The following ERMP1 variants were observed in gnomAD, a reference collection of about 807,000 sequenced individuals.
ERMP1 encodes the protein Felix-ina.
In ERMP1, 86 loss-of-function variants were observed where a neutral mutation model predicts 92.0. The ratio of observed to expected loss-of-function variants is 0.93; its 90% CI spans 0.79 to 1.12. The LOEUF (loss-of-function observed/expected upper bound fraction) is 1.12. ERMP1 is among the 50% of genes most tolerant of loss of function. ERMP1 has a pLI of 0.00. For missense variants in ERMP1, 1,342 were observed against 1,116.3 expected (o/e 1.20, Z -2.88); for synonymous variants, 530 against 412.8 (o/e 1.28, Z -3.44).
At chr9:5,813,087 A>G in intron 4 of ERMP1, 52 bp from the exon 5 acceptor site, 1 of 1,594,838 alleles carries the variant, frequency 6.3e-7, no homozygotes, top group Non-Finnish European at 8.6e-7. Flanking sequence ...ATTTTTTTTA[A>G]CATACTAATG....
chr9:5,862,035 G>GTATT (rs912831735), intron 5 of ERMP1, among the ~76,000 whole-genome samples: 1 of 151,808 alleles, frequency 6.6e-6, no homozygotes, highest in African/African-American at 2.4e-5. Flanking sequence ...ATGTATGTAT[G>GTATT]TATTTATTTA....
intron 6 of ERMP1, among the ~76,000 whole-genome samples, chr9:5,841,484 G>A (rs1465138675): frequency 6.6e-6 from 1 of 152,182 alleles, no homozygotes; most frequent in Admixed American, 6.5e-5. Context: ...AAAGGTATGG[G>A]GTTTCCTTTC....
At chr9:5,800,315 A>G (rs1828619763) in intron 11 of ERMP1, among the ~76,000 whole-genome samples, 1 of 152,222 alleles carries the variant, frequency 6.6e-6, no homozygotes, top group Non-Finnish European at 1.5e-5. Context: ...GATGACTAGA[A>G]TTGAGGCTTA....
chr9:5,799,449 T>A (rs1019954941), intron 11 of ERMP1, among the ~76,000 whole-genome samples: 2 of 152,042 alleles, frequency 1.3e-5, no homozygotes, highest in African/African-American at 4.8e-5. Flanking sequence ...CAGAATTCTA[T>A]GAAAAGGCAC....
chr9:5,799,094 A>T, intron 11 of ERMP1, 86 bp from the exon 12 acceptor site: 3 of 874,916 alleles, frequency 3.4e-6, no homozygotes, highest in Non-Finnish European at 5.5e-6. Context: ...GTATGACAAT[A>T]CCAAGAAATG....
At chr9:5,823,337 A>G (rs1829612244) in intron 4 of ERMP1, among the ~76,000 whole-genome samples, 1 of 152,200 alleles carries the variant, frequency 6.6e-6, no homozygotes, top group Non-Finnish European at 1.5e-5. Context: ...TTTTTTTAAC[A>G]TTCCACTAAA....
intron 4 of ERMP1, among the ~76,000 whole-genome samples, chr9:5,816,678 C>T (rs534426323): frequency 6.6e-6 from 1 of 152,248 alleles, no homozygotes; most frequent in South Asian, 2.1e-4. Flanking sequence ...TTCACAGCAG[C>T]ACCATTCATA....
chr9:5,841,249 T>C (rs1203073749), intron 6 of ERMP1, among the ~76,000 whole-genome samples: 1 of 152,200 alleles, frequency 6.6e-6, no homozygotes, highest in Non-Finnish European at 1.5e-5. Flanking sequence ...TAAAAACTTG[T>C]TCACAATATG....
chr9:5,841,123 TA>T (rs1449132998), intron 6 of ERMP1, among the ~76,000 whole-genome samples: 1 of 152,190 alleles, frequency 6.6e-6, no homozygotes, highest in Admixed American at 6.5e-5. Flanking sequence ...AAAGGCGGTG[TA>T]AAAAAACCTG....
intron 1 of ERMP1, among the ~76,000 whole-genome samples, chr9:5,832,079 A>G (rs2129699662): frequency 6.6e-6 from 1 of 150,896 alleles, no homozygotes; most frequent in African/African-American, 2.5e-5. Context: ...GCATTCTTAA[A>G]GGTCTTAAAA....
At chr9:5,787,850 A>G (rs1028309589) in intron 13 of ERMP1, among the ~76,000 whole-genome samples, 1 of 152,216 alleles carries the variant, frequency 6.6e-6, no homozygotes, top group Non-Finnish European at 1.5e-5. Context: ...CTGCTGCATG[A>G]CATCAGGAAT....
chr9:5,837,603 T>C (rs1390818033), upstream of ERMP1, among the ~76,000 whole-genome samples: 1 of 152,188 alleles, frequency 6.6e-6, no homozygotes, highest in Non-Finnish European at 1.5e-5. Flanking sequence ...GACATGATTT[T>C]CAAAAAACGT....
intron 6 of ERMP1, among the ~76,000 whole-genome samples, chr9:5,853,179 T>C (rs1830330509): frequency 6.6e-6 from 1 of 152,206 alleles, no homozygotes; most frequent in African/African-American, 2.4e-5. Context: ...CTGTCTCTAG[T>C]GATAGGTTAC....
chr9:5,792,964 T>C (rs1160084521), intron 13 of ERMP1, among the ~76,000 whole-genome samples: 1 of 152,066 alleles, frequency 6.6e-6, no homozygotes, highest in Non-Finnish European at 1.5e-5. Flanking sequence ...TGAGGTAAAA[T>C]AAAAACTCAT....
intron 2 of ERMP1, among the ~76,000 whole-genome samples, chr9:5,826,705 T>G (rs1829742294): frequency 6.6e-6 from 1 of 152,230 alleles, no homozygotes; most frequent in Non-Finnish European, 1.5e-5. Flanking sequence ...AATGCTGCTA[T>G]TAGCAAAATG....
chr9:5,799,461 G>A (rs978372528), intron 11 of ERMP1, among the ~76,000 whole-genome samples: 1 of 152,000 alleles, frequency 6.6e-6, no homozygotes, highest in South Asian at 2.1e-4. Flanking sequence ...AAAAGGCACC[G>A]TGCTCCATTT....
intron 5 of ERMP1, among the ~76,000 whole-genome samples, chr9:5,860,022 A>T (rs902831617): frequency 6.6e-6 from 1 of 152,148 alleles, no homozygotes; most frequent in Non-Finnish European, 1.5e-5. Flanking sequence ...AGCATTGGTC[A>T]GGCACAGTGG....
intron 2 of ERMP1, among the ~76,000 whole-genome samples, chr9:5,829,988 G>C (rs1038951124): frequency 6.6e-6 from 1 of 151,918 alleles, no homozygotes. Context: ...TGTCCTAAAT[G>C]CAAGTATTCT....
intron 4 of ERMP1, among the ~76,000 whole-genome samples, chr9:5,814,277 C>T (rs181279792): frequency 2.0e-5 from 3 of 152,254 alleles, no homozygotes; most frequent in South Asian, 2.1e-4. Context: ...AAATGCAACA[C>T]GAGCAAGAAA....
Sources: allele counts gnomAD v4.1 joint callset (sites outside exome capture counted in the v4.1 genomes callset), GRCh38; gene constraint gnomAD v4.1.1; transcripts MANE v1.5; gene names NCBI Gene and HGNC (gene_info 2026-07-23, HGNC 2026-07-21).